The following SPAG16 variants were observed in gnomAD, a reference collection of about 807,000 sequenced individuals.
SPAG16 encodes sperm-associated antigen 16 protein.
Under a neutral mutation model 80.4 loss-of-function variants are expected in SPAG16, and 86 were observed. The ratio of observed to expected loss-of-function variants is 1.07; its 90% CI spans 0.90 to 1.28. The LOEUF is 1.28. Ranked by LOEUF, SPAG16 falls within the 50% of genes most tolerant of loss-of-function variation. The pLI is 0.00. For missense variants in SPAG16, 870 were observed against 765.3 expected (o/e 1.14, Z -1.61); for synonymous variants, 294 against 265.9 (o/e 1.11, Z -1.03).
At chr2:213,916,283 T>G (rs912997681) in intron 11 of SPAG16, among the ~76,000 whole-genome samples, 1 of 152,232 alleles carries the variant, frequency 6.6e-6, no homozygotes, top group Non-Finnish European at 1.5e-5. Flanking sequence ...CATGAGTTAA[T>G]TTTTGTATAA....
At chr2:213,501,955 C>T (rs983839430) in intron 10 of SPAG16, among the ~76,000 whole-genome samples, 6 of 152,074 alleles carry the variant, frequency 3.9e-5, no homozygotes. Flanking sequence ...TGAATTAGCC[C>T]AATCAAATGA....
intron 10 of SPAG16, among the ~76,000 whole-genome samples, chr2:213,844,328 A>C (rs2125764514): frequency 6.6e-6 from 1 of 152,310 alleles, no homozygotes; most frequent in South Asian, 2.1e-4. Context: ...AGGAGGAGAA[A>C]AGTTACTGGG....
At chr2:214,382,110 CAG>C (rs1700482936) in intron 15 of SPAG16, among the ~76,000 whole-genome samples, 1 of 152,206 alleles carries the variant, frequency 6.6e-6, no homozygotes, top group East Asian at 1.9e-4. Flanking sequence ...CTCCAGTAAC[CAG>C]AGTCAATGCT....
At chr2:213,406,932 G>C (rs1471012752) in intron 9 of SPAG16, among the ~76,000 whole-genome samples, 1 of 124,088 alleles carries the variant, frequency 8.1e-6, no homozygotes, top group South Asian at 2.5e-4. Flanking sequence ...CAGCGACGCG[G>C]ATTTAAAAAA....
rs112025805 is a variant in SPAG16, at chr2:214,266,002, T to A, written c.1720+116736T>A. Among the ~76,000 whole-genome samples, 254 of 152,098 alleles carry A rather than the reference T, an allele frequency of 1.7e-3. 2 individuals carry two copies. Among genetic ancestry groups the A allele is most frequent in the African/African-American group, 5.5e-3 (228 of 41,542 alleles). ...ATTTCTCTATAAGTCCTACGTGAGC[T>A]GAGACTCAGTTTGTTTTGTTTACTG... is the stretch of plus-strand genomic sequence containing the variant. On this transcript the variant is annotated intron_variant, in intron 15 of 15. Coordinates refer to ENST00000331683, the MANE Select transcript of SPAG16 (RefSeq NM_024532.5).
chr2:213,819,941 GTTT>G (rs71063785), intron 10 of SPAG16, among the ~76,000 whole-genome samples: 1 of 132,124 alleles, frequency 7.6e-6, no homozygotes. Flanking sequence ...AATTTTTCGT[GTTT>G]TTTTTTTTTT....
At chr2:214,198,816 C>G (rs902450076) in intron 15 of SPAG16, among the ~76,000 whole-genome samples, 1 of 151,618 alleles carries the variant, frequency 6.6e-6, no homozygotes, top group African/African-American at 2.4e-5. Flanking sequence ...TAATGTGGTG[C>G]CTTATTATGG....
At chr2:213,431,778 T>G (rs2070316138) in intron 9 of SPAG16, among the ~76,000 whole-genome samples, 1 of 152,070 alleles carries the variant, frequency 6.6e-6, no homozygotes, top group Non-Finnish European at 1.5e-5. Context: ...AACATTTTAC[T>G]CAACAACCTC....
intron 10 of SPAG16, among the ~76,000 whole-genome samples, chr2:213,751,165 T>G (rs2068060822): frequency 6.6e-6 from 1 of 152,208 alleles, no homozygotes; most frequent in Non-Finnish European, 1.5e-5. Context: ...GAAAATGTAC[T>G]TATATGGTAA....
chr2:214,388,502 G>T (rs1489118081), intron 15 of SPAG16, among the ~76,000 whole-genome samples: 2 of 152,072 alleles, frequency 1.3e-5, no homozygotes, highest in Non-Finnish European at 2.9e-5. Context: ...TATGTTTTAT[G>T]GGCAAATGAA....
At chr2:213,707,066 A>G (rs753420250) in intron 10 of SPAG16, among the ~76,000 whole-genome samples, 1 of 152,182 alleles carries the variant, frequency 6.6e-6, no homozygotes, top group Non-Finnish European at 1.5e-5. Context: ...GTCATATTCT[A>G]TTGGTCACAT....
intron 14 of SPAG16, among the ~76,000 whole-genome samples, chr2:214,137,346 A>G (rs1002083519): frequency 1.3e-5 from 2 of 152,050 alleles, no homozygotes; most frequent in African/African-American, 2.4e-5. Flanking sequence ...ATATTTATAT[A>G]TGTTATCTAA....
intron 15 of SPAG16, among the ~76,000 whole-genome samples, chr2:214,355,572 G>A (rs1329648493): frequency 7.2e-6 from 1 of 138,338 alleles, no homozygotes; most frequent in African/African-American, 2.5e-5. Context: ...TATACTGTTG[G>A]TGGGACTGTA....
intron 13 of SPAG16, among the ~76,000 whole-genome samples, chr2:214,103,532 G>T (rs1009781581): frequency 3.3e-5 from 5 of 152,166 alleles, no homozygotes; most frequent in Admixed American, 1.3e-4. Flanking sequence ...GGTTGTGTTT[G>T]AGTTGAAAGC....
intron 12 of SPAG16, among the ~76,000 whole-genome samples, chr2:213,952,258 C>T (rs1344637507): frequency 6.6e-6 from 1 of 151,772 alleles, no homozygotes; most frequent in Non-Finnish European, 1.5e-5. Flanking sequence ...TTTTAAAGGG[C>T]ATGGTAGAAT....
intron 10 of SPAG16, among the ~76,000 whole-genome samples, chr2:213,635,848 T>A (rs1035732813): frequency 6.6e-6 from 1 of 152,214 alleles, no homozygotes; most frequent in African/African-American, 2.4e-5. Flanking sequence ...TTCTGAATAT[T>A]ATTCCTTTGT....
chr2:213,411,951 T>G (rs1197660986), intron 9 of SPAG16, among the ~76,000 whole-genome samples: 2 of 152,194 alleles, frequency 1.3e-5, no homozygotes, highest in Non-Finnish European at 2.9e-5. Flanking sequence ...GGGGAAGGAT[T>G]GTTAGATATG....
intron 10 of SPAG16, among the ~76,000 whole-genome samples, chr2:213,590,282 G>A (rs1157498129): frequency 1.3e-5 from 2 of 151,954 alleles, no homozygotes; most frequent in Admixed American, 1.3e-4. Context: ...GCTGAGGTTT[G>A]GGCTTCTAAT....
intron 10 of SPAG16, among the ~76,000 whole-genome samples, chr2:213,562,188 T>C (rs1323579963): frequency 1.3e-5 from 2 of 152,348 alleles, no homozygotes; most frequent in East Asian, 3.9e-4. Flanking sequence ...TAGTTGCTAA[T>C]ATGAACAAAT....
Sources: allele counts gnomAD v4.1 joint callset (sites outside exome capture counted in the v4.1 genomes callset), GRCh38; gene constraint gnomAD v4.1.1; transcripts MANE v1.5; gene names NCBI Gene and HGNC (gene_info 2026-07-23, HGNC 2026-07-21).